PLXNA4: variants seen among roughly 807,000 people sequenced by gnomAD.
The protein encoded by PLXNA4 is plexin-A4.
A neutral mutation model predicts 191.8 loss-of-function variants in PLXNA4; 44 were observed. The observed-to-expected ratio is 0.23, with a 90% CI of 0.18 to 0.29. The LOEUF is 0.29. Among genes scored for constraint, PLXNA4 ranks in the 10% least tolerant of loss-of-function variants. The pLI is 1.00. For synonymous variants in PLXNA4, 1,082 were observed against 1,009.5 expected (o/e 1.07, Z -1.36); for missense variants, 1,800 against 2,488.8 (o/e 0.72, Z 5.89).
intron 22 of PLXNA4, 63 bp downstream of exon 22, chr7:132,168,241 C>T: frequency 6.9e-7 from 1 of 1,458,308 alleles, no homozygotes; most frequent in Non-Finnish European, 9.1e-7. Context: ...AGTCTCCCTG[C>T]AAGGCACGGT....
chr7:132,405,471 AAC>A (rs1311298188), intron 3 of PLXNA4, among the ~76,000 whole-genome samples: 1 of 152,120 alleles, frequency 6.6e-6, no homozygotes, highest in East Asian at 1.9e-4. Context: ...CTTCAAGAAA[AAC>A]AGTCAGAGGA....
intron 3 of PLXNA4, among the ~76,000 whole-genome samples, chr7:132,344,132 A>G (rs2116762590): frequency 6.6e-6 from 1 of 152,230 alleles, no homozygotes; most frequent in African/African-American, 2.4e-5. Flanking sequence ...AACAGGTTAA[A>G]TGCCTTCTGG....
chr7:132,312,345 G>C (rs891036653), intron 3 of PLXNA4, among the ~76,000 whole-genome samples: 1 of 151,960 alleles, frequency 6.6e-6, no homozygotes, highest in Admixed American at 6.6e-5. Flanking sequence ...TTAAACTATT[G>C]ATCTCCCAGC....
intron 25 of PLXNA4, among the ~76,000 whole-genome samples, chr7:132,149,785 C>T (rs538510475): frequency 2.6e-5 from 4 of 152,308 alleles, no homozygotes; most frequent in Non-Finnish European, 5.9e-5. Context: ...GGGATTTCTT[C>T]CTATGTCTCA....
At chr7:132,590,047 G>A (rs1802576244) in intron 2 of PLXNA4, among the ~76,000 whole-genome samples, 1 of 152,180 alleles carries the variant, frequency 6.6e-6, no homozygotes. Context: ...ACTATGCAAG[G>A]GAAAGAAATG....
At chr7:132,275,919 C>G (rs983419077) in intron 4 of PLXNA4, among the ~76,000 whole-genome samples, 9 of 152,112 alleles carry the variant, frequency 5.9e-5, no homozygotes, top group African/African-American at 2.2e-4. Flanking sequence ...ATTGCTGTTC[C>G]CTCTGTCTAG....
At chr7:132,142,235 C>A (rs1253235956) in intron 29 of PLXNA4, among the ~76,000 whole-genome samples, 1 of 152,206 alleles carries the variant, frequency 6.6e-6, no homozygotes, top group East Asian at 1.9e-4. Context: ...CTACGGCTTC[C>A]AACCAGCCTG....
chr7:132,604,860 C>T (rs905499242), intron 2 of PLXNA4, among the ~76,000 whole-genome samples: 3 of 152,158 alleles, frequency 2.0e-5, no homozygotes, highest in African/African-American at 4.8e-5. Context: ...CCGCTTGCAC[C>T]GGACTCTGAC....
At chr7:132,264,828 G>C (rs972713787) in intron 4 of PLXNA4, among the ~76,000 whole-genome samples, 1 of 152,006 alleles carries the variant, frequency 6.6e-6, no homozygotes, top group Admixed American at 6.6e-5. Context: ...CTCCCAAGTA[G>C]CTGGGATTAC....
Position 132,203,317 on chromosome 7 carries a change from C to A in PLXNA4, c.2395+6G>T. ...CCTCCCCTGCTAGGCCCCAGCCCTT[C>A]CACACCTTTATTCTGAGCTGGGTTG... On this transcript the variant is annotated splice_donor_region_variant and intron_variant, in intron 11 of 31. Coordinates refer to ENST00000321063, the MANE Select transcript of PLXNA4 (RefSeq NM_020911.2). The A allele has an allele frequency of 6.2e-7, 1 of 1,600,240 alleles. No homozygotes were observed. The highest frequency in any genetic ancestry group is 8.6e-7 in the Non-Finnish European group (1 of 1,168,068).
At chr7:132,582,962 G>C (rs759506073) in intron 2 of PLXNA4, among the ~76,000 whole-genome samples, 1 of 152,134 alleles carries the variant, frequency 6.6e-6, no homozygotes, top group East Asian at 1.9e-4. Context: ...TCAGAGCTCC[G>C]GGGTTAAACC....
rs150905373 is a variant in PLXNA4, at chr7:132,489,360, C to G, written c.1303G>C (p.Val435Leu). 8.0e-5 allele frequency: 128 copies of G among 1,606,486 alleles called. No individual in the cohort carries two copies. The highest frequency in any genetic ancestry group is 1.1e-4 in the Non-Finnish European group (126 of 1,173,514). Residue 435 changes from valine (V) to leucine (L), a missense_variant, in exon 3 of 32, where the codon GTC (valine) becomes CTC (leucine). By Grantham distance (32) the Val-to-Leu change is conservative (BLOSUM62 1). This residue lies in a region of PLXNA4 where 1,397 missense variants were observed against 1,880.4 expected (regional missense o/e 0.74). Transcript: ENST00000321063. ...FTEDRDRMTS[V>L]IAYVYKNHSL... ...TGGTTCTTGTAGACATATGCGATGA[C>G]AGACGTCATGCGGTCCCTGTCCTCC...
In PLXNA4 at chr7:132,125,993, T is replaced by TGTC. The variant is rs984777015; in HGVS notation, c.*4483_*4485dup. On this transcript the variant is annotated 3_prime_UTR_variant, in exon 32 of 32. Coordinates refer to ENST00000321063, the MANE Select transcript of PLXNA4 (RefSeq NM_020911.2). ...GTCTGTCTTTCCCTCACTGCTTGGC[T>TGTC]GTCTGTGAGGTGGGAGGTTTGTCCT... The TGTC allele has an allele frequency of 1.3e-5, 2 of 152,348 alleles. No homozygotes were observed. Among genetic ancestry groups the TGTC allele is most frequent in the Admixed American group, 1.3e-4 (2 of 15,280 alleles). The allele number at this position is 152,348 out of a possible 1,614,324, so 9.4% of individuals were successfully genotyped here.
chr7:132,330,280 T>G (rs1410238250), intron 3 of PLXNA4, among the ~76,000 whole-genome samples: 1 of 152,156 alleles, frequency 6.6e-6, no homozygotes, highest in African/African-American at 2.4e-5. Flanking sequence ...GGAGAGTCCC[T>G]CGCAGTGCTG....
chr7:132,570,567 C>T (rs1273342668), intron 1 of PLXNA4, among the ~76,000 whole-genome samples: 5 of 152,184 alleles, frequency 3.3e-5, no homozygotes, highest in Non-Finnish European at 5.9e-5. Context: ...TGATCTTGAG[C>T]GAAGACCAGG....
intron 3 of PLXNA4, among the ~76,000 whole-genome samples, chr7:132,311,183 TGTGTGTGTGTGC>T (rs1801721111): frequency 7.4e-6 from 1 of 135,818 alleles, no homozygotes; most frequent in African/African-American, 2.8e-5. Flanking sequence ...TGTGTGTGTG[TGTGTGTGTGTGC>T]GCGTGTGGCC....
At chr7:132,420,844 T>C (rs572131319) in intron 3 of PLXNA4, among the ~76,000 whole-genome samples, 27 of 152,286 alleles carry the variant, frequency 1.8e-4, no homozygotes, top group South Asian at 6.2e-4. Flanking sequence ...TTTCCCTGCA[T>C]GCACTCTCTT....
chr7:132,548,741 T>C (rs543971549), intron 1 of PLXNA4, among the ~76,000 whole-genome samples: 3 of 152,220 alleles, frequency 2.0e-5, no homozygotes, highest in Non-Finnish European at 4.4e-5. Context: ...CCTACTGGGC[T>C]ACATTCCCAG....
Position 132,159,608 on chromosome 7 carries a change from T to C in PLXNA4, c.4525A>G (p.Asn1509Asp). The change falls in exon 25 of 32, where the codon AAT (asparagine) becomes GAT (aspartate). Residue 1509 changes from asparagine (N) to aspartate (D), a missense_variant. By Grantham distance (23) the Asn-to-Asp change is conservative. Transcript: ENST00000321063. The stretch of plus-strand genomic sequence containing the variant: ...ACTGGGACCTCGGGGCTGTTGGCAT[T>C]GTCTGGGCTGACACAGCTCAGGACC... ...TLVLSCVSPD[N>D]ANSPEVPVKI... is the part of the protein sequence containing the mutation. 1 of 1,614,088 alleles carries C rather than the reference T, an allele frequency of 6.2e-7. No homozygotes were observed. The highest frequency in any genetic ancestry group is 8.5e-7 in the Non-Finnish European group (1 of 1,180,022).
Sources: allele counts gnomAD v4.1 joint callset (sites outside exome capture counted in the v4.1 genomes callset), GRCh38; gene constraint gnomAD v4.1.1; regional missense constraint gnomAD v4.1.1; transcripts MANE v1.5; gene names NCBI Gene and HGNC (gene_info 2026-07-23, HGNC 2026-07-21).